Variants in ELF2 observed in about 807,000 individuals in gnomAD.
ELF2 encodes ETS-related transcription factor Elf-2.
A neutral mutation model predicts 54.8 loss-of-function variants in ELF2; 11 were observed. The observed-to-expected ratio is 0.20, with a 90% CI of 0.13 to 0.33. The LOEUF is 0.33. Among genes scored for constraint, ELF2 ranks in the 10% least tolerant of loss-of-function variants. The pLI, the probability that ELF2 is intolerant of heterozygous loss-of-function variation, is 1.00. For missense variants in ELF2, 513 were observed against 703.0 expected (o/e 0.73, Z 3.06); for synonymous variants, 203 against 245.1 (o/e 0.83, Z 1.61).
chr4:139,105,102 T>G (rs1734289143), intron 4 of ELF2, among the ~76,000 whole-genome samples: 1 of 152,212 alleles, frequency 6.6e-6, no homozygotes, highest in Admixed American at 6.5e-5. Flanking sequence ...CAATTGTACC[T>G]AATAACTGTC....
intron 3 of ELF2, among the ~76,000 whole-genome samples, chr4:139,125,946 C>T (rs911083008): frequency 6.6e-6 from 1 of 152,104 alleles, no homozygotes; most frequent in Non-Finnish European, 1.5e-5. Flanking sequence ...AGGTTACTTT[C>T]CAGAGAGGAA....
In ELF2 at chr4:139,137,717, AAGC is replaced by A; in HGVS notation, c.-19_-17del. 2 of 1,613,810 alleles carry A rather than the reference AAGC, an allele frequency of 1.2e-6. No homozygotes were observed. The highest frequency in any genetic ancestry group is 1.7e-6 in the Non-Finnish European group (2 of 1,179,960). On this transcript the variant is annotated 5_prime_UTR_variant, in exon 3 of 10. Coordinates refer to ENST00000686138, the MANE Select transcript of ELF2 (RefSeq NM_001331036.3). ...CTGATGTCATTGTTATTCCCTGAGG[AAGC>A]TTCAAACGCTATTAATCAATGAAAT...
chr4:139,134,618 ATTTAT>A (rs369321048), intron 3 of ELF2, among the ~76,000 whole-genome samples: 56 of 28,474 alleles, frequency 2.0e-3, no homozygotes, highest in African/African-American at 4.2e-3. Flanking sequence ...ATTTTATTTT[ATTTAT>A]TTTATTTTAT....
chr4:139,157,243 T>C (rs191160443), intron 1 of ELF2, among the ~76,000 whole-genome samples: 6 of 152,252 alleles, frequency 3.9e-5, no homozygotes, highest in Admixed American at 3.3e-4. Flanking sequence ...TATTTGAATA[T>C]AGAAAAGGTA....
intron 4 of ELF2, among the ~76,000 whole-genome samples, chr4:139,091,157 T>C (rs1732533269): frequency 6.6e-6 from 1 of 151,982 alleles, no homozygotes; most frequent in Non-Finnish European, 1.5e-5. Flanking sequence ...ATGGTCTCGA[T>C]CTGACCTCGT....
intron 4 of ELF2, among the ~76,000 whole-genome samples, chr4:139,108,125 A>T (rs1278368152): frequency 1.3e-5 from 2 of 152,198 alleles, no homozygotes; most frequent in Non-Finnish European, 2.9e-5. Context: ...TAAATTTTTT[A>T]AAAAAGAAAT....
At chr4:139,128,437 T>C (rs939699448) in intron 3 of ELF2, among the ~76,000 whole-genome samples, 2 of 152,140 alleles carry the variant, frequency 1.3e-5, no homozygotes, top group Non-Finnish European at 2.9e-5. Context: ...CTCAAAAAAA[T>C]AGTCTAACTC....
intron 4 of ELF2, among the ~76,000 whole-genome samples, chr4:139,123,492 G>A (rs1255766450): frequency 6.6e-6 from 1 of 152,014 alleles, no homozygotes; most frequent in African/African-American, 2.4e-5. Flanking sequence ...GATTACATTC[G>A]CTTCCTATTC....
At chr4:139,130,092 T>C (rs1397322260) in intron 3 of ELF2, among the ~76,000 whole-genome samples, 1 of 151,976 alleles carries the variant, frequency 6.6e-6, no homozygotes, top group Non-Finnish European at 1.5e-5. Flanking sequence ...ATTTGGACTC[T>C]GAGACACACA....
intron 4 of ELF2, among the ~76,000 whole-genome samples, chr4:139,106,744 T>C (rs957638878): frequency 3.4e-5 from 5 of 147,014 alleles, no homozygotes; most frequent in African/African-American, 1.2e-4. Flanking sequence ...ATATTTCTTT[T>C]TTTTTTTTTT....
At chr4:139,138,310 G>A (rs1402209026) in intron 2 of ELF2, among the ~76,000 whole-genome samples, 2 of 151,984 alleles carry the variant, frequency 1.3e-5, no homozygotes, top group Non-Finnish European at 2.9e-5. Flanking sequence ...CCAGCTACTC[G>A]GGAGGCTGAG....
At position 139,117,348 on chromosome 4, in the gene ELF2, G is replaced by T. The variant is rs539054728; in HGVS notation, c.238+7816C>A. ...TGTCTCCTTGTTGGTAAGATTAGGG[G>T]TGATGATTTTCAGTTTGCTTATTCT... On this transcript the variant is annotated intron_variant, in intron 4 of 9. Transcript: ENST00000686138. Among the ~76,000 whole-genome samples, 21 of 152,294 alleles carry T rather than the reference G, an allele frequency of 1.4e-4. No homozygotes were observed. The South Asian group carries it at 4.1e-3, about 30-fold the overall frequency.
intron 4 of ELF2, among the ~76,000 whole-genome samples, chr4:139,074,106 C>T (rs777938112): frequency 7.9e-5 from 12 of 152,008 alleles, no homozygotes; most frequent in Non-Finnish European, 1.6e-4. Flanking sequence ...CCAGCCTGGG[C>T]GACAGAGTGA....
At chr4:139,136,230 A>C (rs1455965195) in intron 3 of ELF2, among the ~76,000 whole-genome samples, 2 of 152,338 alleles carry the variant, frequency 1.3e-5, no homozygotes, top group Non-Finnish European at 2.9e-5. Context: ...GATGGGAAGA[A>C]AGTATGTTCT....
intron 1 of ELF2, among the ~76,000 whole-genome samples, 191 bp downstream of exon 1, chr4:139,176,776 A>T (rs1243180323): frequency 6.6e-6 from 1 of 150,680 alleles, no homozygotes; most frequent in East Asian, 2.0e-4. Context: ...GGGGACACTC[A>T]GCCCCCTTCC....
chr4:139,101,977 A>G (rs1450248722), intron 4 of ELF2: 1 of 151,910 alleles, frequency 6.6e-6, no homozygotes, highest in Non-Finnish European at 1.5e-5. Flanking sequence ...TCCCTAAAGA[A>G]AAAGATAAAA....
chr4:139,129,310 G>T (rs1737261397), intron 3 of ELF2, among the ~76,000 whole-genome samples: 1 of 152,154 alleles, frequency 6.6e-6, no homozygotes, highest in South Asian at 2.1e-4. Flanking sequence ...CCAACTTAGT[G>T]AGGTTCTATC....
intron 3 of ELF2, among the ~76,000 whole-genome samples, chr4:139,130,772 A>G (rs1022631520): frequency 1.3e-5 from 2 of 152,234 alleles, no homozygotes; most frequent in Non-Finnish European, 2.9e-5. Context: ...TTAAGTACAG[A>G]TATTTGTAGC....
intron 1 of ELF2, among the ~76,000 whole-genome samples, chr4:139,148,655 CTT>C (rs796233512): frequency 2.7e-5 from 4 of 145,594 alleles, no homozygotes; most frequent in Middle Eastern, 3.5e-3. Flanking sequence ...GATGTTTCTA[CTT>C]TTTTTTTTTT....
Sources: gnomAD v4.1 joint callset for allele counts (sites outside exome capture counted in the v4.1 genomes callset) on GRCh38, gnomAD v4.1.1 for gene constraint, MANE v1.5 for transcripts, NCBI Gene and HGNC (gene_info 2026-07-23, HGNC 2026-07-21) for gene names.